EEFSEC: variants seen among roughly 807,000 people sequenced by gnomAD.
EEFSEC encodes the protein selenocysteine-specific elongation factor.
In EEFSEC, 43 loss-of-function variants were observed where a neutral mutation model predicts 42.1. The ratio of observed to expected loss-of-function variants is 1.02; its 90% CI spans 0.80 to 1.32. The LOEUF is 1.32. Among genes scored for constraint, EEFSEC ranks in the 40% most tolerant of loss-of-function variants. The pLI is 0.00. For synonymous variants in EEFSEC, 354 were observed against 339.1 expected, an observed-to-expected ratio of 1.04 and a Z score of -0.48; for missense variants, 745 against 803.6, an observed-to-expected ratio of 0.93 and a Z score of 0.88.
chr3:128,178,077 A>C (rs2065369405), intron 1 of EEFSEC, among the ~76,000 whole-genome samples: 1 of 152,218 alleles, frequency 6.6e-6, no homozygotes. Context: ...TGGCAAAATA[A>C]TGTACCATAA....
At chr3:128,337,845 G>A (rs2067207565) in intron 4 of EEFSEC, among the ~76,000 whole-genome samples, 1 of 152,218 alleles carries the variant, frequency 6.6e-6, no homozygotes, top group Non-Finnish European at 1.5e-5. Context: ...ATTGATAGAA[G>A]TTGATTTATC....
chr3:128,244,783 TAC>T (rs756597758), intron 1 of EEFSEC, among the ~76,000 whole-genome samples: 32 of 152,080 alleles, frequency 2.1e-4, no homozygotes, highest in African/African-American at 7.5e-4. Context: ...TGCACACACA[TAC>T]ACACACACGT....
At chr3:128,238,314 G>C (rs930555642) in intron 1 of EEFSEC, among the ~76,000 whole-genome samples, 1 of 152,222 alleles carries the variant, frequency 6.6e-6, no homozygotes, top group Non-Finnish European at 1.5e-5. Flanking sequence ...CTAACCACAT[G>C]TGCTAATTCA....
intron 4 of EEFSEC, among the ~76,000 whole-genome samples, chr3:128,265,237 C>T (rs2066342117): frequency 1.3e-5 from 2 of 152,080 alleles, no homozygotes; most frequent in African/African-American, 2.4e-5. Flanking sequence ...TTAAACATGA[C>T]GTGAATCTTA....
chr3:128,341,950 A>G, intron 5 of EEFSEC, 61 bp downstream of exon 5: 2 of 1,556,344 alleles, frequency 1.3e-6, no homozygotes, highest in Non-Finnish European at 8.7e-7. Context: ...GCTGGGATCC[A>G]TGGCCTGACA....
At chr3:128,218,261 C>A (rs938191917) in intron 1 of EEFSEC, among the ~76,000 whole-genome samples, 1 of 152,172 alleles carries the variant, frequency 6.6e-6, no homozygotes, top group African/African-American at 2.4e-5. Context: ...TTGGCTCTGG[C>A]CCCTTCACAG....
intron 5 of EEFSEC, among the ~76,000 whole-genome samples, chr3:128,356,069 T>C (rs1304464605): frequency 6.6e-6 from 1 of 152,226 alleles, no homozygotes; most frequent in Non-Finnish European, 1.5e-5. Flanking sequence ...GGCTGTGAGA[T>C]GGAGGGAGAA....
At chr3:128,235,304 A>G (rs1269000292) in intron 1 of EEFSEC, among the ~76,000 whole-genome samples, 1 of 151,982 alleles carries the variant, frequency 6.6e-6, no homozygotes, top group East Asian at 1.9e-4. Flanking sequence ...CCTGGGCTCA[A>G]GCAATCCCCC....
At chr3:128,326,382 C>T (rs969632763) in intron 4 of EEFSEC, among the ~76,000 whole-genome samples, 2 of 152,166 alleles carry the variant, frequency 1.3e-5, no homozygotes, top group Admixed American at 1.3e-4. Context: ...TTTTGCCCAC[C>T]CCATCTTGGC....
At chr3:128,230,499 A>G (rs763897797) in intron 1 of EEFSEC, among the ~76,000 whole-genome samples, 1 of 152,088 alleles carries the variant, frequency 6.6e-6, no homozygotes, top group Non-Finnish European at 1.5e-5. Context: ...CACTTTCTTT[A>G]CTTTAGGACA....
intron 2 of EEFSEC, among the ~76,000 whole-genome samples, chr3:128,248,502 C>CGACACATTTA (rs2066151028): frequency 6.6e-6 from 1 of 152,160 alleles, no homozygotes; most frequent in East Asian, 1.9e-4. Flanking sequence ...CCGATAAAAT[C>CGACACATTTA]GACACATTTA....
intron 4 of EEFSEC, among the ~76,000 whole-genome samples, chr3:128,274,493 G>A (rs2107952670): frequency 6.6e-6 from 1 of 152,322 alleles, no homozygotes; most frequent in East Asian, 1.9e-4. Context: ...GGTAGGGAGT[G>A]TGGCTGGCCT....
intron 4 of EEFSEC, among the ~76,000 whole-genome samples, chr3:128,284,809 C>G (rs2066566119): frequency 6.6e-6 from 1 of 152,168 alleles, no homozygotes; most frequent in Non-Finnish European, 1.5e-5. Flanking sequence ...CCCTGCCACT[C>G]CCCCATGTCT....
At chr3:128,182,214 G>A (rs2065414142) in intron 1 of EEFSEC, among the ~76,000 whole-genome samples, 1 of 151,830 alleles carries the variant, frequency 6.6e-6, no homozygotes, top group South Asian at 2.1e-4. Context: ...AAATTATCTT[G>A]TGTAATGCCC....
chr3:128,217,695 C>T (rs910232452), intron 1 of EEFSEC, among the ~76,000 whole-genome samples: 2 of 152,134 alleles, frequency 1.3e-5, no homozygotes, highest in Non-Finnish European at 2.9e-5. Context: ...CCCCCTGGTC[C>T]CCCACTGCCC....
At chr3:128,321,489 C>T (rs1393823140) in intron 4 of EEFSEC, among the ~76,000 whole-genome samples, 2 of 152,086 alleles carry the variant, frequency 1.3e-5, no homozygotes, top group East Asian at 1.9e-4. Context: ...CCAGGCTTCA[C>T]TCCCCCAGGA....
intron 1 of EEFSEC, among the ~76,000 whole-genome samples, chr3:128,229,028 T>C (rs2065934764): frequency 6.6e-6 from 1 of 152,168 alleles, no homozygotes; most frequent in African/African-American, 2.4e-5. Context: ...GCTTTCTACC[T>C]CCTGGGGCTA....
chr3:128,157,692 T>G (rs1944405194), intron 1 of EEFSEC, among the ~76,000 whole-genome samples: 1 of 152,244 alleles, frequency 6.6e-6, no homozygotes, highest in Non-Finnish European at 1.5e-5. Context: ...TGTTGAGACC[T>G]ACTGCTTAGA....
chr3:128,270,968 G>A (rs539398879), intron 4 of EEFSEC, among the ~76,000 whole-genome samples: 109 of 152,226 alleles, frequency 7.2e-4, no homozygotes, highest in East Asian at 1.2e-3. Context: ...TTGTATTCTC[G>A]GCATCCATCC....
Sources: gnomAD v4.1 joint callset for allele counts (sites outside exome capture counted in the v4.1 genomes callset) on GRCh38, gnomAD v4.1.1 for gene constraint, MANE v1.5 for transcripts, NCBI Gene and HGNC (gene_info 2026-07-23, HGNC 2026-07-21) for gene names.